ATP2B4: variants seen among roughly 807,000 people sequenced by gnomAD.
ATP2B4 encodes plasma membrane calcium-transporting ATPase 4.
In ATP2B4, 39 loss-of-function variants were observed where a neutral mutation model predicts 110.3. The observed-to-expected ratio is 0.35, with a 90% confidence interval of 0.27 to 0.46. ATP2B4 has a LOEUF of 0.46. Among genes scored for constraint, ATP2B4 ranks in the 20% least tolerant of loss-of-function variants. The pLI is 1.00. For synonymous variants in ATP2B4, 538 were observed against 571.7 expected (o/e 0.94, Z 0.84); for missense variants, 1,135 against 1,530.9 (o/e 0.74, Z 4.32).
intron 2 of ATP2B4, among the ~76,000 whole-genome samples, chr1:203,684,831 T>G (rs16852082): frequency 0.011 from 1,700 of 152,286 alleles, 33 homozygotes; most frequent in African/African-American, 0.039. Flanking sequence ...TTCTCCTTAA[T>G]CTTTTTTGTT....
At chr1:203,648,803 G>A (rs1418461408) in intron 1 of ATP2B4, among the ~76,000 whole-genome samples, 2 of 152,324 alleles carry the variant, frequency 1.3e-5, no homozygotes, top group East Asian at 3.9e-4. Flanking sequence ...GAAAAATGGA[G>A]AGAGATGCTT....
rs1667037696 is a variant in ATP2B4, at chr1:203,743,731, G to A, written c.*3877G>A. ...AAAGAAAAACAAAAGATTGACTATT[G>A]TGGTCTGCATGACATAAACAAACAA... On this transcript the variant is annotated 3_prime_UTR_variant, in exon 21 of 21. Coordinates refer to ENST00000357681, the MANE Select transcript of ATP2B4 (RefSeq NM_001684.5). 1 of 152,452 alleles carries A rather than the reference G, an allele frequency of 6.6e-6. No individual in the cohort carries two copies. Among genetic ancestry groups the A allele is most frequent in the Non-Finnish European group, 1.5e-5 (1 of 68,018 alleles). The allele number at this position is 152,452 out of a possible 1,614,324, so 9.4% of individuals were successfully genotyped here. A position where few individuals can be genotyped will look rare whatever the true frequency, so the allele number is the denominator to read the frequency against.
At chr1:203,713,485 G>C (rs1309954280) in intron 14 of ATP2B4, among the ~76,000 whole-genome samples, 1 of 151,918 alleles carries the variant, frequency 6.6e-6, no homozygotes, top group Non-Finnish European at 1.5e-5. Context: ...TATTTTTGGA[G>C]ACCGAGTCTT....
rs1663193886 is a variant in ATP2B4 at position 203,629,484 on chromosome 1, G to T, written c.-465+2265G>T. On this transcript the variant is annotated intron_variant, in intron 1 of 20. Transcript: ENST00000357681. The surrounding 1 kb of genome is among the most constrained non-coding windows in gnomAD (Gnocchi z 4.6). ...TCGGGGACGGCTTCTCCGTGAGGTC[G>T]TTATTTAGCGCGCACCGGGTCGCCT... Among the ~76,000 whole-genome samples the T allele has an allele frequency of 6.6e-6, 1 of 152,152 alleles. No individual in the cohort carries two copies. The highest frequency in any genetic ancestry group is 6.5e-5 in the Admixed American group (1 of 15,272).
Position 203,683,188 on chromosome 1 carries a change from T to C in ATP2B4, c.-18T>C, listed in dbSNP as rs1418491002. 2.4e-5 allele frequency: 39 copies of C among 1,609,850 alleles called. No homozygotes were observed. Among genetic ancestry groups the C allele is most frequent in the Non-Finnish European group, 3.1e-5 (37 of 1,177,492 alleles). The stretch of plus-strand genomic sequence containing the variant: ...GCTACATCTTCTCTGGTTGAGGGGC[T>C]TGGTAACAGCAGGCAAAATGACGAA... On this transcript the variant is annotated 5_prime_UTR_variant, in exon 2 of 21. Transcript: ENST00000357681.
At chr1:203,634,808 C>T (rs370775215) in intron 1 of ATP2B4, among the ~76,000 whole-genome samples, 2 of 151,934 alleles carry the variant, frequency 1.3e-5, no homozygotes, top group East Asian at 1.9e-4. Flanking sequence ...GGACTACAGG[C>T]GCATGCTATC....
intron 2 of ATP2B4, among the ~76,000 whole-genome samples, chr1:203,686,160 A>T (rs1241383154): frequency 1.3e-5 from 2 of 152,148 alleles, no homozygotes; most frequent in African/African-American, 4.8e-5. Flanking sequence ...TTACAGCCGT[A>T]CTGACTGCTG....
rs1270040513 is a variant in ATP2B4 at position 203,742,691 on chromosome 1, A to G, written c.*2837A>G. 1 of 152,322 alleles carries G rather than the reference A, an allele frequency of 6.6e-6. No homozygotes were observed. The highest frequency in any genetic ancestry group is 1.5e-5 in the Non-Finnish European group (1 of 68,088). The allele number at this position is 152,322 out of a possible 1,614,324, so 9.4% of individuals were successfully genotyped here. ...TAGACAGAATCTTTCCTGACTAGTC[A>G]TTAGGATCAGGGGCCTCTGTTGGAT... On this transcript the variant is annotated 3_prime_UTR_variant, in exon 21 of 21. Coordinates refer to ENST00000357681, the MANE Select transcript of ATP2B4 (RefSeq NM_001684.5).
intron 2 of ATP2B4, among the ~76,000 whole-genome samples, chr1:203,696,898 G>A (rs1665549842): frequency 6.6e-6 from 1 of 152,160 alleles, no homozygotes; most frequent in Admixed American, 6.5e-5. Context: ...TGGTGTGTAT[G>A]TGTCTGTATA....
intron 20 of ATP2B4, among the ~76,000 whole-genome samples, chr1:203,734,705 CAAAAAA>C (rs35242931): frequency 8.1e-6 from 1 of 123,648 alleles, no homozygotes; most frequent in Non-Finnish European, 1.7e-5. Context: ...GACTCCATCT[CAAAAAA>C]AAAAAAAAAA....
chr1:203,701,992 T>G, intron 6 of ATP2B4, 52 bp from the exon 7 acceptor site: 1 of 1,607,648 alleles, frequency 6.2e-7, no homozygotes, highest in South Asian at 1.1e-5. Flanking sequence ...ATTGGATCTC[T>G]TAATAGTTAC....
At chr1:203,698,446 G>C in intron 3 of ATP2B4, 92 bp downstream of exon 3, 1 of 1,376,270 alleles carries the variant, frequency 7.3e-7, no homozygotes. Flanking sequence ...ACAGGTTATA[G>C]CTTAAAACAT....
At chr1:203,738,739 A>G (rs1666931457) in intron 20 of ATP2B4, among the ~76,000 whole-genome samples, 1 of 152,216 alleles carries the variant, frequency 6.6e-6, no homozygotes, top group South Asian at 2.1e-4. Context: ...CATTTGAATT[A>G]TGAGAGCCAG....
At position 203,704,467 on chromosome 1, in the gene ATP2B4, C is replaced by CTTTTTTTTT. The variant is rs35019828; in HGVS notation, c.1099+677_1099+685dup. Among the ~76,000 whole-genome samples the CTTTTTTTTT allele has an allele frequency of 5.7e-4, 39 of 68,790 alleles. 4 individuals carry two copies. Among genetic ancestry groups the CTTTTTTTTT allele is most frequent in the African/African-American group, 1.0e-3 (15 of 14,534 alleles). The allele number at this position is 68,790 out of a possible 152,430, so 45.1% of individuals were successfully genotyped here. ...GTGGACATATCTCTCAAGGAACAGT[C>CTTTTTTTTT]TTTTTTTTTTTTTTTTTTTTTTTTT... On this transcript the variant is annotated intron_variant, in intron 8 of 20. Transcript: ENST00000357681.
At chr1:203,661,676 G>C (rs998142741) in intron 1 of ATP2B4, among the ~76,000 whole-genome samples, 3 of 152,150 alleles carry the variant, frequency 2.0e-5, no homozygotes, top group Admixed American at 2.0e-4. Context: ...ATGCTGCATG[G>C]TATTCAGAAA....
At chr1:203,672,707 C>T (rs1464696133) in intron 1 of ATP2B4, among the ~76,000 whole-genome samples, 2 of 152,036 alleles carry the variant, frequency 1.3e-5, no homozygotes, top group Admixed American at 6.6e-5. Context: ...AAGTGAGCAG[C>T]GAATGTCTTT....
In ATP2B4 at chr1:203,742,979, C is replaced by A. The variant is rs1207052456; in HGVS notation, c.*3125C>A. 1 of 152,664 alleles carries A rather than the reference C, an allele frequency of 6.6e-6. No individual in the cohort carries two copies. The highest frequency in any genetic ancestry group is 1.5e-5 in the Non-Finnish European group (1 of 68,056). The allele number at this position is 152,664 out of a possible 1,614,324, so 9.5% of individuals were successfully genotyped here. ...GCTGGTTCTAGCCCTGAGTGACAGTCTTAAGGCTAGATCCTTCCCATAGTA... is the reference window on the plus strand; with the variant it reads ...GCTGGTTCTAGCCCTGAGTGACAGTATTAAGGCTAGATCCTTCCCATAGTA... On this transcript the variant is annotated 3_prime_UTR_variant, in exon 21 of 21. Transcript: ENST00000357681.
intron 1 of ATP2B4, among the ~76,000 whole-genome samples, chr1:203,671,830 G>A (rs1558026129): frequency 6.6e-6 from 1 of 152,220 alleles, no homozygotes; most frequent in Non-Finnish European, 1.5e-5. Flanking sequence ...CTGTAGAAGT[G>A]GAGGAAACAC....
At chr1:203,735,743 C>A (rs1370602139) in intron 20 of ATP2B4, among the ~76,000 whole-genome samples, 2 of 152,230 alleles carry the variant, frequency 1.3e-5, no homozygotes, top group African/African-American at 4.8e-5. Flanking sequence ...CCCACCAGTT[C>A]TTTCATATTC....
Sources: gnomAD v4.1 joint callset for allele counts (sites outside exome capture counted in the v4.1 genomes callset) on GRCh38, gnomAD v4.1.1 for gene constraint, Gnocchi (gnomAD v3.1) non-coding constraint, MANE v1.5 for transcripts, NCBI Gene and HGNC (gene_info 2026-07-23, HGNC 2026-07-21) for gene names.